Variants in DYNC1I1 observed in about 807,000 individuals in gnomAD.
DYNC1I1 encodes the protein dynein cytoplasmic 1 intermediate chain 1, also known as cytoplasmic dynein 1 intermediate chain 1.
In DYNC1I1, 43 loss-of-function variants were observed where a neutral mutation model predicts 86.6. That is an observed-to-expected ratio of 0.50 (90% CI 0.39 to 0.64). DYNC1I1 has a LOEUF of 0.64. Among genes scored for constraint, DYNC1I1 ranks in the 30% least tolerant of loss-of-function variants. The probability of loss-of-function intolerance (pLI) is 0.00; values close to 1 mark genes in which losing one functional copy is unlikely to be tolerated. For missense variants in DYNC1I1, 604 were observed against 788.8 expected, an observed-to-expected ratio of 0.77 and a Z score of 2.81; for synonymous variants, 262 against 283.7, an observed-to-expected ratio of 0.92 and a Z score of 0.77.
At chr7:95,857,198 C>G (rs1274041110) in intron 5 of DYNC1I1, among the ~76,000 whole-genome samples, 38 of 152,120 alleles carry the variant, frequency 2.5e-4, no homozygotes, top group Admixed American at 2.4e-3. Context: ...AGAATTGCAC[C>G]TGTGTCTTCT....
intron 10 of DYNC1I1, among the ~76,000 whole-genome samples, chr7:96,001,819 A>T (rs1029746504): frequency 6.6e-6 from 1 of 151,988 alleles, no homozygotes; most frequent in East Asian, 1.9e-4. Context: ...ATACAGTCAC[A>T]TTGAGGGTGG....
At chr7:95,840,586 C>G (rs749278061) in intron 5 of DYNC1I1, among the ~76,000 whole-genome samples, 7 of 152,082 alleles carry the variant, frequency 4.6e-5, no homozygotes, top group Non-Finnish European at 8.8e-5. Flanking sequence ...TTATCTTGTT[C>G]TTTTATTTGG....
At chr7:96,010,946 T>A (rs1794261144) in intron 10 of DYNC1I1, among the ~76,000 whole-genome samples, 1 of 152,232 alleles carries the variant, frequency 6.6e-6, no homozygotes, top group Admixed American at 6.5e-5. Flanking sequence ...GCTACAGCCA[T>A]TATCTACATT....
intron 5 of DYNC1I1, 27 bp downstream of exon 5, chr7:95,828,143 T>G: frequency 1.2e-6 from 2 of 1,612,350 alleles, no homozygotes; most frequent in Non-Finnish European, 1.7e-6. Flanking sequence ...TTGTTACTCC[T>G]TTTATTATTT....
intron 6 of DYNC1I1, among the ~76,000 whole-genome samples, chr7:95,944,641 T>C (rs546038644): frequency 3.9e-5 from 6 of 152,172 alleles, no homozygotes; most frequent in African/African-American, 1.4e-4. Flanking sequence ...CCAACAATGA[T>C]AGACTGGATT....
rs1228402594 is a variant in DYNC1I1 at position 95,804,726 on chromosome 7, C to G, written c.-4C>G. 1.3e-6 allele frequency: 2 copies of G among 1,589,228 alleles called. No individual in the cohort carries two copies. Among genetic ancestry groups the G allele is most frequent in the African/African-American group, 2.7e-5 (2 of 73,402 alleles). On this transcript the variant is annotated 5_prime_UTR_variant, in exon 2 of 17. Transcript: ENST00000447467. ...TTTTTTTCTCTTTCTCCAAGGAAAC[C>G]AACATGTCTGACAAAAGTGACTTAA... is the stretch of plus-strand genomic sequence containing the variant.
intron 1 of DYNC1I1, among the ~76,000 whole-genome samples, chr7:95,781,803 C>T (rs1008048682): frequency 6.6e-6 from 1 of 152,166 alleles, no homozygotes; most frequent in African/African-American, 2.4e-5. Context: ...ATTCTTTACA[C>T]CCTCCTCACG....
At position 96,097,486 on chromosome 7, in the gene DYNC1I1, G is replaced by A. The variant is rs746207445; in HGVS notation, c.1780G>A (p.Ala594Thr). 8 of 1,613,502 alleles carry A rather than the reference G, an allele frequency of 5.0e-6. No homozygotes were observed. Among genetic ancestry groups the A allele is most frequent in the Non-Finnish European group, 6.8e-6 (8 of 1,179,682 alleles). ...RIWVYDVGEL[A>T]VPHNDEWTRF... is the part of the protein sequence containing the mutation. ...TCTCCATTGATTTGCTTTGCAGCTTGCAGTTCCCCACAATGATGAATGGAC... is the reference window on the plus strand; with the variant it reads ...TCTCCATTGATTTGCTTTGCAGCTTACAGTTCCCCACAATGATGAATGGAC... Residue 594 changes from alanine (A) to threonine (T), a missense_variant, in exon 17 of 17, where the codon GCA becomes ACA. Coordinates refer to ENST00000447467, the MANE Select transcript of DYNC1I1 (RefSeq NM_001135556.2).
intron 5 of DYNC1I1, among the ~76,000 whole-genome samples, chr7:95,860,147 T>C (rs1789838188): frequency 6.6e-6 from 1 of 152,226 alleles, no homozygotes; most frequent in Non-Finnish European, 1.5e-5. Context: ...TCTGCCATTT[T>C]GCTCCACCCC....
chr7:95,811,895 A>G (rs986456174), intron 3 of DYNC1I1, among the ~76,000 whole-genome samples: 1 of 152,202 alleles, frequency 6.6e-6, no homozygotes, highest in Non-Finnish European at 1.5e-5. Flanking sequence ...CTGGTTAAAT[A>G]CAATAATAGT....
chr7:95,980,123 C>A (rs781252001), intron 7 of DYNC1I1, among the ~76,000 whole-genome samples: 18 of 152,130 alleles, frequency 1.2e-4, no homozygotes, highest in Non-Finnish European at 1.8e-4. Flanking sequence ...CGAAAACACC[C>A]TTCAGTTTTA....
chr7:95,871,887 G>A (rs1790179981), intron 6 of DYNC1I1, among the ~76,000 whole-genome samples: 1 of 152,182 alleles, frequency 6.6e-6, no homozygotes, highest in Non-Finnish European at 1.5e-5. Context: ...GTGGTGAAGG[G>A]CATTTACATG....
In DYNC1I1 at chr7:95,932,879, ATT is replaced by A. The variant is rs11392614; in HGVS notation, c.491-44618_491-44617del. Among the ~76,000 whole-genome samples, 375 of 137,724 alleles carry A rather than the reference ATT, an allele frequency of 2.7e-3. 3 individuals carry two copies. The highest frequency in any genetic ancestry group is 9.8e-3 in the African/African-American group (363 of 37,178). The allele number at this position is 137,724 out of a possible 152,430, so 90.4% of individuals were successfully genotyped here. A position where few individuals can be genotyped will look rare whatever the true frequency, so the allele number is the denominator to read the frequency against. On this transcript the variant is annotated intron_variant, in intron 6 of 16. Coordinates refer to ENST00000447467, the MANE Select transcript of DYNC1I1 (RefSeq NM_001135556.2). ...TCAGACTATCTTTATTTATTTTTTA[ATT>A]TTTTTTTTTTTTTTGAGATGACAAT...
chr7:96,100,379 C>T (rs1224011934), downstream of DYNC1I1, among the ~76,000 whole-genome samples: 1 of 151,374 alleles, frequency 6.6e-6, no homozygotes, highest in East Asian at 1.9e-4. Flanking sequence ...TTCCTTCCTT[C>T]TTTCCTTCCT....
intron 1 of DYNC1I1, among the ~76,000 whole-genome samples, chr7:95,775,157 AG>A (rs1033350274): frequency 6.6e-6 from 1 of 152,246 alleles, no homozygotes; most frequent in African/African-American, 2.4e-5. Flanking sequence ...TAAGACACAA[AG>A]GTGTCAAGTA....
At chr7:95,880,396 G>T (rs1303407918) in intron 6 of DYNC1I1, among the ~76,000 whole-genome samples, 1 of 152,126 alleles carries the variant, frequency 6.6e-6, no homozygotes, top group Admixed American at 6.5e-5. Flanking sequence ...CCAATTGGTA[G>T]GTTTGGATAA....
intron 15 of DYNC1I1, among the ~76,000 whole-genome samples, chr7:96,077,187 A>G (rs1205678450): frequency 1.3e-5 from 2 of 151,658 alleles, no homozygotes; most frequent in Non-Finnish European, 2.9e-5. Flanking sequence ...AGCCTTTTTA[A>G]TTAGGAAGCC....
chr7:95,778,780 C>T (rs1212269075), intron 1 of DYNC1I1, among the ~76,000 whole-genome samples: 1 of 152,112 alleles, frequency 6.6e-6, no homozygotes, highest in African/African-American at 2.4e-5. Context: ...CCCAACTCAT[C>T]CTTCCAAGTA....
intron 6 of DYNC1I1, among the ~76,000 whole-genome samples, chr7:95,878,470 T>C (rs1790366004): frequency 6.6e-6 from 1 of 152,010 alleles, no homozygotes; most frequent in African/African-American, 2.4e-5. Context: ...TAAACAAACA[T>C]TGAACTAATA....
Sources: gnomAD v4.1 joint callset for allele counts (sites outside exome capture counted in the v4.1 genomes callset) on GRCh38, gnomAD v4.1.1 for gene constraint, MANE v1.5 for transcripts, NCBI Gene and HGNC (gene_info 2026-07-23, HGNC 2026-07-21) for gene names.